The following MAP6 variants were observed in gnomAD, a reference collection of about 807,000 sequenced individuals.
MAP6 encodes the protein microtubule associated protein 6.
In MAP6, 26 loss-of-function variants were observed where a neutral mutation model predicts 42.4. The observed-to-expected ratio is 0.61, with a 90% CI of 0.45 to 0.85. The LOEUF (loss-of-function observed/expected upper bound fraction) is 0.85. Ranked by LOEUF, MAP6 falls within the 40% of genes least tolerant of loss-of-function variation. The pLI, the probability that MAP6 is intolerant of heterozygous loss-of-function variation, is 0.00. For missense variants in MAP6, 966 were observed against 1,099.0 expected (o/e 0.88, Z 1.71); for synonymous variants, 418 against 443.8 (o/e 0.94, Z 0.73).
intron 1 of MAP6, among the ~76,000 whole-genome samples, chr11:75,614,048 C>A (rs1288739545): frequency 1.3e-5 from 2 of 152,218 alleles, no homozygotes; most frequent in Non-Finnish European, 2.9e-5. Flanking sequence ...CCTTTCTGGT[C>A]TCTCTGTTCC....
At chr11:75,608,055 G>C (rs2135590037) in intron 2 of MAP6, 54 bp downstream of exon 2, 1 of 1,564,688 alleles carries the variant, frequency 6.4e-7, no homozygotes, top group East Asian at 2.2e-5. Context: ...CTCTGCTGCA[G>C]TTAACCCTTA....
intron 3 of MAP6, among the ~76,000 whole-genome samples, chr11:75,601,768 A>G (rs1375032946): frequency 6.6e-6 from 1 of 151,538 alleles, no homozygotes; most frequent in Non-Finnish European, 1.5e-5. Flanking sequence ...AGCCTGTGCC[A>G]TGACCCTCCC....
intron 1 of MAP6, among the ~76,000 whole-genome samples, chr11:75,653,560 G>A (rs1361626901): frequency 2.6e-5 from 4 of 152,338 alleles, no homozygotes; most frequent in African/African-American, 9.6e-5. Context: ...CATTTTCAGA[G>A]CAAATTTAAA....
chr11:75,666,480 G>A (rs1423750896), intron 1 of MAP6, among the ~76,000 whole-genome samples: 1 of 152,204 alleles, frequency 6.6e-6, no homozygotes, highest in Non-Finnish European at 1.5e-5. Flanking sequence ...GAGAATGAGA[G>A]ACATCTGGAG....
At chr11:75,643,732 A>G (rs1943512626) in intron 1 of MAP6, among the ~76,000 whole-genome samples, 1 of 152,204 alleles carries the variant, frequency 6.6e-6, no homozygotes, top group African/African-American at 2.4e-5. Flanking sequence ...TGTGCTTTAC[A>G]CACATTAACT....
intron 1 of MAP6, among the ~76,000 whole-genome samples, chr11:75,620,151 A>C (rs554203473): frequency 6.6e-6 from 1 of 152,232 alleles, no homozygotes; most frequent in African/African-American, 2.4e-5. Flanking sequence ...AATGAACATC[A>C]ATCCTAACAA....
intron 1 of MAP6, among the ~76,000 whole-genome samples, chr11:75,650,489 A>G (rs1342523969): frequency 1.3e-5 from 2 of 152,178 alleles, no homozygotes; most frequent in Non-Finnish European, 2.9e-5. Flanking sequence ...TACACTGCTC[A>G]TTCCATGATG....
In MAP6 at chr11:75,589,866, T is replaced by G. The variant is rs187749183; in HGVS notation, c.1317-1682A>C. On this transcript the variant is annotated intron_variant, in intron 3 of 3. Coordinates refer to ENST00000304771, the MANE Select transcript of MAP6 (RefSeq NM_033063.2). ...TATTTGGACTGCTTTTATTCTTCTG[T>G]GTTGTCCTGATGCAGAAGCTTTTTA... is the stretch of plus-strand genomic sequence containing the variant. Among the ~76,000 whole-genome samples, 4 of 152,360 alleles carry G rather than the reference T, an allele frequency of 2.6e-5. No individual in the cohort carries two copies. In the East Asian group the frequency reaches 7.7e-4, roughly 29 times the overall value.
chr11:75,602,015 T>C (rs1685031749), intron 3 of MAP6, among the ~76,000 whole-genome samples: 1 of 151,938 alleles, frequency 6.6e-6, no homozygotes, highest in African/African-American at 2.4e-5. Flanking sequence ...GTTTCCCTAG[T>C]GCCCAGCACA....
chr11:75,626,453 C>T (rs919933416), intron 1 of MAP6, among the ~76,000 whole-genome samples: 5 of 152,128 alleles, frequency 3.3e-5, no homozygotes, highest in South Asian at 2.1e-4. Context: ...TGATGTGGCC[C>T]GGGAGGTATT....
At chr11:75,593,857 G>C (rs1482739999) in intron 3 of MAP6, among the ~76,000 whole-genome samples, 2 of 152,218 alleles carry the variant, frequency 1.3e-5, no homozygotes, top group African/African-American at 4.8e-5. Flanking sequence ...GACTGGGCTT[G>C]AGGCCCAGAG....
chr11:75,647,346 TCA>T (rs1491431542), intron 1 of MAP6, among the ~76,000 whole-genome samples: 1 of 7,440 alleles, frequency 1.3e-4, no homozygotes, highest in African/African-American at 7.0e-4. Context: ...ACCCACCTGA[TCA>T]AAAAAAAAAA....
At chr11:75,614,001 T>C (rs1245414141) in intron 1 of MAP6, among the ~76,000 whole-genome samples, 1 of 152,176 alleles carries the variant, frequency 6.6e-6, no homozygotes, top group Admixed American at 6.5e-5. Context: ...AGGCAAAGTT[T>C]TCAGAGGAGT....
intron 1 of MAP6, among the ~76,000 whole-genome samples, chr11:75,660,614 G>A (rs966227702): frequency 6.6e-6 from 1 of 152,186 alleles, no homozygotes; most frequent in African/African-American, 2.4e-5. Context: ...CCATGGTTAA[G>A]GCTTTGTCAT....
chr11:75,631,725 C>T (rs1590787365), intron 1 of MAP6, among the ~76,000 whole-genome samples: 1 of 152,184 alleles, frequency 6.6e-6, no homozygotes, highest in East Asian at 1.9e-4. Context: ...TCCTCGGGTG[C>T]TTTGATATAT....
intron 1 of MAP6, among the ~76,000 whole-genome samples, chr11:75,648,077 C>T (rs190721410): frequency 5.9e-5 from 9 of 152,214 alleles, no homozygotes; most frequent in African/African-American, 2.2e-4. Flanking sequence ...AGACAAATAA[C>T]GGATTTGGGA....
intron 1 of MAP6, among the ~76,000 whole-genome samples, chr11:75,613,123 C>T (rs540418850): frequency 6.6e-6 from 1 of 152,298 alleles, no homozygotes; most frequent in East Asian, 1.9e-4. Flanking sequence ...CACCCAGGGC[C>T]ACACTCCATA....
At chr11:75,621,407 C>T (rs1465009491) in intron 1 of MAP6, among the ~76,000 whole-genome samples, 1 of 152,088 alleles carries the variant, frequency 6.6e-6, no homozygotes, top group Non-Finnish European at 1.5e-5. Flanking sequence ...CTACAAAAAC[C>T]CTACAACAAA....
intron 3 of MAP6, among the ~76,000 whole-genome samples, chr11:75,592,943 C>A (rs574229928): frequency 1.3e-5 from 2 of 152,290 alleles, no homozygotes; most frequent in African/African-American, 4.8e-5. Context: ...CAGCTGTCTG[C>A]TCCTGGAATA....
Sources: gnomAD v4.1 joint callset for allele counts (sites outside exome capture counted in the v4.1 genomes callset) on GRCh38, gnomAD v4.1.1 for gene constraint, MANE v1.5 for transcripts, NCBI Gene and HGNC (gene_info 2026-07-23, HGNC 2026-07-21) for gene names.